Variants in KALRN observed in about 807,000 individuals in gnomAD.
KALRN encodes the protein kalirin.
In KALRN, 70 loss-of-function variants were observed where a neutral mutation model predicts 353.7. The observed-to-expected ratio is 0.20, with a 90% CI of 0.16 to 0.24. The LOEUF is 0.24. KALRN is among the 10% of genes least tolerant of loss of function. The pLI is 1.00. For missense variants in KALRN, 2,791 were observed against 3,756.7 expected (o/e 0.74, Z 6.72); for synonymous variants, 1,391 against 1,434.8 (o/e 0.97, Z 0.69).
intron 1 of KALRN, 91 bp from the exon 2 acceptor site, chr3:124,227,899 G>T: frequency 2.0e-6 from 2 of 1,018,902 alleles, no homozygotes; most frequent in Middle Eastern, 4.4e-4. Context: ...CTTGCCGGCT[G>T]ATGATGGGAT....
intron 5 of KALRN, among the ~76,000 whole-genome samples, chr3:124,292,629 G>A (rs116589782): frequency 0.012 from 1,610 of 132,642 alleles, 20 homozygotes; most frequent in African/African-American, 0.039. Flanking sequence ...GTGTCTGTGC[G>A]GTGCCCTGCG....
chr3:124,261,334 A>T (rs1046406986), intron 3 of KALRN, among the ~76,000 whole-genome samples: 1 of 152,216 alleles, frequency 6.6e-6, no homozygotes, highest in Non-Finnish European at 1.5e-5. Flanking sequence ...TTAGGATATA[A>T]TGAAATGATG....
Position 124,341,821 on chromosome 3 carries a change from A to C in KALRN, c.1648-5322A>C, listed in dbSNP as rs547111886. On this transcript the variant is annotated intron_variant, in intron 9 of 59. Coordinates refer to ENST00000682506, the MANE Select transcript of KALRN (RefSeq NM_001388419.1). ...TAAGAGAAACACCCACTCCAGCCTG[A>C]ATGGGTTATTAACGAGTTAAGGCTT... Among the ~76,000 whole-genome samples the C allele has an allele frequency of 5.3e-5, 8 of 152,334 alleles. No individual in the cohort carries two copies. The South Asian group carries it at 1.2e-3, about 24-fold the overall frequency.
At chr3:124,111,351 A>T (rs1341573703) in intron 1 of KALRN, among the ~76,000 whole-genome samples, 2 of 152,184 alleles carry the variant, frequency 1.3e-5, no homozygotes, top group African/African-American at 4.8e-5. Flanking sequence ...ATGTTTCCTC[A>T]TGTCTCAAAG....
At chr3:124,230,501 G>T (rs984460166) in intron 2 of KALRN, among the ~76,000 whole-genome samples, 1 of 152,148 alleles carries the variant, frequency 6.6e-6, no homozygotes, top group Non-Finnish European at 1.5e-5. Flanking sequence ...TTCAGTCAGA[G>T]CCCTGGGCAG....
intron 5 of KALRN, among the ~76,000 whole-genome samples, chr3:124,279,153 C>T (rs2075088769): frequency 6.6e-6 from 1 of 152,118 alleles, no homozygotes; most frequent in Non-Finnish European, 1.5e-5. Flanking sequence ...CTGTGGGGGA[C>T]AGAGAGAGCA....
At chr3:124,344,225 G>A (rs1355086606) in intron 9 of KALRN, among the ~76,000 whole-genome samples, 1 of 152,226 alleles carries the variant, frequency 6.6e-6, no homozygotes, top group African/African-American at 2.4e-5. Flanking sequence ...AACCATTGAT[G>A]TTCAGATTCT....
intron 1 of KALRN, among the ~76,000 whole-genome samples, chr3:124,180,687 C>A (rs2073447378): frequency 6.6e-6 from 1 of 152,034 alleles, no homozygotes; most frequent in South Asian, 2.1e-4. Context: ...GCTCAGTGAC[C>A]CTCACATATT....
intron 7 of KALRN, among the ~76,000 whole-genome samples, chr3:124,329,639 C>A (rs72976591): frequency 0.065 from 9,917 of 152,130 alleles, 1,046 homozygotes; most frequent in African/African-American, 0.22. Context: ...TCATAATAGT[C>A]AATTTTGTGG....
At chr3:124,645,658 C>CGTG (rs1559756793) in intron 37 of KALRN, among the ~76,000 whole-genome samples, 2 of 74,350 alleles carry the variant, frequency 2.7e-5, no homozygotes, top group African/African-American at 1.1e-4. Context: ...CTCTCTCTCT[C>CGTG]TGTGCGTGTG....
At chr3:124,195,814 G>T (rs1292787364) in intron 1 of KALRN, among the ~76,000 whole-genome samples, 3 of 152,196 alleles carry the variant, frequency 2.0e-5, no homozygotes, top group African/African-American at 2.4e-5. Context: ...CTGCCTACCT[G>T]CCAGAAATCT....
In KALRN at chr3:124,334,444, G is replaced by A. The variant is rs779842505; in HGVS notation, c.1596G>A (p.Val532=). The A allele has an allele frequency of 1.2e-6, 2 of 1,614,116 alleles. No individual in the cohort carries two copies. Among genetic ancestry groups the A allele is most frequent in the African/African-American group, 1.3e-5 (1 of 75,074 alleles). The stretch of plus-strand genomic sequence containing the variant: ...AGAGCATCTGGCAGCACCGCAAGGT[G>A]CGGCTCCACCAGCGGCTGCAGCTCT... The part of the protein sequence containing the change: ...RLESIWQHRK[V]RLHQRLQLCV... The change falls in exon 9 of 60, where the codon GTG becomes GTA. Residue 532 remains valine, a synonymous_variant. Transcript: ENST00000682506. The surrounding 1 kb of genome is among the most constrained non-coding windows in gnomAD (Gnocchi z 4.2).
chr3:124,343,423 G>C (rs1325094292), intron 9 of KALRN, among the ~76,000 whole-genome samples: 1 of 152,162 alleles, frequency 6.6e-6, no homozygotes, highest in Non-Finnish European at 1.5e-5. Context: ...GCCTCCCAAA[G>C]GGACAGGATT....
At position 124,462,078 on chromosome 3, in the gene KALRN, C is replaced by T. The variant is rs933026876; in HGVS notation, c.3921+122C>T. 2.5e-5 allele frequency: 18 copies of T among 706,158 alleles called. No individual in the cohort carries two copies. In the Admixed American group the frequency reaches 3.5e-4, roughly 14 times the overall value. 43.7% of individuals were successfully genotyped at this position (706,158 alleles called of 1,614,324 possible). Reference sequence around the variant, plus strand: ...CCCAGAGAGTAATGAATTAAAAAGTCAACAAGAGGAAATCTTTCTCCTAAA... The same window carrying T: ...CCCAGAGAGTAATGAATTAAAAAGTTAACAAGAGGAAATCTTTCTCCTAAA... On this transcript the variant is annotated intron_variant, in intron 24 of 59. Transcript: ENST00000682506.
intron 33 of KALRN, among the ~76,000 whole-genome samples, chr3:124,554,094 G>T (rs1298604139): frequency 6.6e-6 from 1 of 152,236 alleles, no homozygotes. Flanking sequence ...CGTGGCTTAC[G>T]CCTGTAACTC....
At chr3:124,290,667 G>A (rs562051954) in intron 5 of KALRN, among the ~76,000 whole-genome samples, 1 of 152,226 alleles carries the variant, frequency 6.6e-6, no homozygotes, top group Non-Finnish European at 1.5e-5. Context: ...TGGTGCCTTA[G>A]TTTCCTAATT....
intron 53 of KALRN, among the ~76,000 whole-genome samples, chr3:124,694,999 G>A (rs957041063): frequency 2.6e-5 from 4 of 152,146 alleles, no homozygotes; most frequent in South Asian, 2.1e-4. Flanking sequence ...TTTAAGTGGC[G>A]AAGGCTCCAG....
chr3:124,269,420 G>A (rs974181013), intron 5 of KALRN, among the ~76,000 whole-genome samples, 165 bp downstream of exon 5: 2 of 152,206 alleles, frequency 1.3e-5, no homozygotes, highest in African/African-American at 4.8e-5. Flanking sequence ...TATATAGTGT[G>A]TATTATGTGC....
At chr3:124,392,364 T>C (rs1263305230) in intron 11 of KALRN, among the ~76,000 whole-genome samples, 7 of 152,206 alleles carry the variant, frequency 4.6e-5, no homozygotes, top group Admixed American at 4.6e-4. Context: ...ATAGATAATA[T>C]ATTTGTGTAT....
Sources: allele counts gnomAD v4.1 joint callset (sites outside exome capture counted in the v4.1 genomes callset), GRCh38; gene constraint gnomAD v4.1.1; non-coding constraint Gnocchi (gnomAD v3.1); transcripts MANE v1.5; gene names NCBI Gene and HGNC (gene_info 2026-07-23, HGNC 2026-07-21).